GUCY1A1: variants seen among roughly 807,000 people sequenced by gnomAD.
The protein encoded by GUCY1A1 is guanylate cyclase soluble subunit alpha-1.
A neutral mutation model predicts 64.5 loss-of-function variants in GUCY1A1; 48 were observed. The ratio of observed to expected loss-of-function variants is 0.74; its 90% CI spans 0.59 to 0.95. The LOEUF is 0.95. Among genes scored for constraint, GUCY1A1 ranks in the 40% least tolerant of loss-of-function variants. GUCY1A1 has a pLI of 0.00. For missense variants in GUCY1A1, 804 were observed against 825.3 expected (o/e 0.97, Z 0.32); for synonymous variants, 308 against 303.4 (o/e 1.02, Z -0.16).
At chr4:155,703,416 A>T (rs189250999) in intron 3 of GUCY1A1, among the ~76,000 whole-genome samples, 18 of 152,288 alleles carry the variant, frequency 1.2e-4, no homozygotes, top group African/African-American at 4.3e-4. Context: ...AGACAAGAAG[A>T]TGATATGAAT....
At position 155,708,298 on chromosome 4, in the gene GUCY1A1, A is replaced by G. The variant is rs1254175630; in HGVS notation, c.376+4A>G. On this transcript the variant is annotated splice_donor_region_variant and intron_variant, in intron 5 of 9. Coordinates refer to ENST00000506455, the MANE Select transcript of GUCY1A1 (RefSeq NM_001130682.3). Reference sequence around the variant, plus strand: ...GCAGAGCAAGCAGTTGCAGCAGGTAATAGAATTGTTTATGTAATTAGAAAG... The same window carrying G: ...GCAGAGCAAGCAGTTGCAGCAGGTAGTAGAATTGTTTATGTAATTAGAAAG... 2.0e-6 allele frequency: 3 copies of G among 1,495,648 alleles called. No individual in the cohort carries two copies. The highest frequency in any genetic ancestry group is 2.3e-5 in the South Asian group (2 of 88,146). The allele number at this position is 1,495,648 out of a possible 1,614,324, so 92.6% of individuals were successfully genotyped here.
At chr4:155,726,532 G>T (rs994688009) in intron 9 of GUCY1A1, among the ~76,000 whole-genome samples, 3 of 151,810 alleles carry the variant, frequency 2.0e-5, no homozygotes, top group Non-Finnish European at 4.4e-5. Context: ...ATTCTGGAAT[G>T]ATATTTCTTT....
At chr4:155,726,775 C>A (rs183857670) in intron 9 of GUCY1A1, among the ~76,000 whole-genome samples, 5 of 151,774 alleles carry the variant, frequency 3.3e-5, no homozygotes, top group African/African-American at 4.8e-5. Flanking sequence ...GGATAATATT[C>A]GACATTTTGT....
At chr4:155,704,694 G>A (rs1731503866) in intron 4 of GUCY1A1, among the ~76,000 whole-genome samples, 1 of 151,984 alleles carries the variant, frequency 6.6e-6, no homozygotes, top group South Asian at 2.1e-4. Flanking sequence ...TTTCTGAAGA[G>A]GCTTAATATA....
chr4:155,710,972 C>A lies in GUCY1A1; in HGVS notation c.807C>A (p.Ser269Arg). ...GCACCAAGCCATCCCTGTCCCCCAG[C>A]AAACCCCAGTCCTCGCTGGTGATTC... ...MKSTKPSLSP[S>R]KPQSSLVIPT... The change falls in exon 6 of 10, where the codon AGC becomes AGA. Residue 269 changes from serine (S) to arginine (R), a missense_variant. By Grantham distance (110) the Ser-to-Arg change is moderately radical (BLOSUM62 -1). Coordinates refer to ENST00000506455, the MANE Select transcript of GUCY1A1 (RefSeq NM_001130682.3). 6.2e-7 allele frequency: 1 copy of A among 1,613,406 alleles called. No individual in the cohort carries two copies. The highest frequency in any genetic ancestry group is 8.5e-7 in the Non-Finnish European group (1 of 1,179,334).
At chr4:155,728,675 C>T (rs1465433910) in intron 9 of GUCY1A1, among the ~76,000 whole-genome samples, 1 of 151,768 alleles carries the variant, frequency 6.6e-6, no homozygotes, top group Non-Finnish European at 1.5e-5. Flanking sequence ...TGCTATTCTC[C>T]AAGGTGATAT....
chr4:155,713,370 T>C lies in GUCY1A1; in HGVS notation c.1359T>C (p.Leu453=). The C allele has an allele frequency of 6.2e-6, 10 of 1,614,110 alleles. No individual in the cohort carries two copies. The highest frequency in any genetic ancestry group is 8.5e-6 in the Non-Finnish European group (10 of 1,179,992). The change falls in exon 7 of 10, where the codon CTT becomes CTC. Residue 453 remains leucine (L), a synonymous_variant. Coordinates refer to ENST00000506455, the MANE Select transcript of GUCY1A1 (RefSeq NM_001130682.3). ...AGGAGAAGAAAAAGACAGTAGACCTTCTGTGCTCCATATTTCCCTGTGAGG... is the reference window on the plus strand; with the variant it reads ...AGGAGAAGAAAAAGACAGTAGACCTCCTGTGCTCCATATTTCCCTGTGAGG... ...LEEEKKKTVD[L]LCSIFPCEVA...
intron 8 of GUCY1A1, among the ~76,000 whole-genome samples, chr4:155,718,984 T>C (rs965018870): frequency 2.6e-5 from 4 of 152,196 alleles, no homozygotes; most frequent in South Asian, 2.1e-4. Flanking sequence ...CTTTCTAATT[T>C]GTTTGAGGGG....
chr4:155,695,360 C>A lies in GUCY1A1; in HGVS notation c.-112-1396C>A, dbSNP rs560253149. Among the ~76,000 whole-genome samples, 116 of 151,338 alleles carry A rather than the reference C, an allele frequency of 7.7e-4. 1 individual carries two copies. The highest frequency in any genetic ancestry group is 6.6e-3 in the Admixed American group (100 of 15,190). ...GAGCATAGAAAATAAAAAAAAAAAA[C>A]CTAATTGAACTTCAACTCTAAAGAT... On this transcript the variant is annotated intron_variant, in intron 2 of 9. Transcript: ENST00000506455.
chr4:155,691,111 T>A (rs1281976370), intron 2 of GUCY1A1, among the ~76,000 whole-genome samples: 1 of 152,294 alleles, frequency 6.6e-6, no homozygotes, highest in East Asian at 1.9e-4. Context: ...GAGATATCAG[T>A]AACATACTAA....
rs146481471 is a variant in GUCY1A1 at position 155,717,278 on chromosome 4, G to A, written c.1692G>A (p.Met564Ile). The stretch of plus-strand genomic sequence containing the variant: ...TGATGGAGCTCTCTGATGAAGTTAT[G>A]TCTCCCCATGGAGAACCTATCAAGG... ...LKMMELSDEVMSPHGEPIKMR... is the reference protein window; with the variant it reads ...LKMMELSDEVISPHGEPIKMR... Residue 564 changes from methionine to isoleucine, a missense_variant, in exon 8 of 10, where the codon ATG becomes ATA. Coordinates refer to ENST00000506455, the MANE Select transcript of GUCY1A1 (RefSeq NM_001130682.3). 1.9e-6 allele frequency: 3 copies of A among 1,593,776 alleles called. No homozygotes were observed. The highest frequency in any genetic ancestry group is 2.6e-6 in the Non-Finnish European group (3 of 1,168,232).
chr4:155,692,002 G>A (rs558305426), intron 2 of GUCY1A1, among the ~76,000 whole-genome samples: 7 of 152,114 alleles, frequency 4.6e-5, no homozygotes, highest in South Asian at 2.1e-4. Context: ...GTGTCCATGC[G>A]TTCTCATTGT....
intron 2 of GUCY1A1, among the ~76,000 whole-genome samples, chr4:155,685,603 G>GTTTTTTTT (rs70954055): frequency 2.8e-5 from 3 of 108,852 alleles, no homozygotes; most frequent in African/African-American, 6.3e-5. Context: ...TTCTCCTTGT[G>GTTTTTTTT]TTTTTTTTTT....
chr4:155,709,198 C>CCTAA (rs34364290), intron 5 of GUCY1A1, among the ~76,000 whole-genome samples: 146,663 of 152,112 alleles, frequency 0.96, 70,821 homozygotes, highest in East Asian at 1. Context: ...AAACGGTCGT[C>CCTAA]CTGACACCTT....
chr4:155,712,114 A>T (rs1217510984), intron 6 of GUCY1A1, among the ~76,000 whole-genome samples: 1 of 152,052 alleles, frequency 6.6e-6, no homozygotes, highest in Admixed American at 6.6e-5. Context: ...GTGGTATCCC[A>T]TCATATGGTT....
In GUCY1A1 at chr4:155,713,191, A is replaced by G; in HGVS notation, c.1180A>G (p.Thr394Ala). The G allele has an allele frequency of 6.2e-7, 1 of 1,614,078 alleles. No individual in the cohort carries two copies. Among genetic ancestry groups the G allele is most frequent in the Non-Finnish European group, 8.5e-7 (1 of 1,179,942 alleles). The change falls in exon 7 of 10, where the codon ACA becomes GCA. Residue 394 changes from threonine to alanine, a missense_variant. Coordinates refer to ENST00000506455, the MANE Select transcript of GUCY1A1 (RefSeq NM_001130682.3). The part of the protein sequence containing the change: ...SPCVDRLEDF[T>A]GRGLYLSDIP... ...CTGTGTGGACAGATTAGAAGATTTT[A>G]CAGGACGAGGGCTCTACCTCTCAGA...
intron 9 of GUCY1A1, among the ~76,000 whole-genome samples, chr4:155,726,795 T>G (rs1405038813): frequency 1.3e-5 from 2 of 151,958 alleles, no homozygotes; most frequent in Non-Finnish European, 2.9e-5. Flanking sequence ...TTTGCATTCT[T>G]GAAGTAAGGA....
intron 2 of GUCY1A1, among the ~76,000 whole-genome samples, chr4:155,685,815 G>A (rs1284572766): frequency 2.0e-5 from 3 of 152,084 alleles, no homozygotes; most frequent in African/African-American, 7.2e-5. Context: ...AACTGTGAGA[G>A]TCACTAGTGT....
In GUCY1A1 at chr4:155,734,125, G is replaced by A. The variant is rs551674526; in HGVS notation, c.*3894G>A. On this transcript the variant is annotated 3_prime_UTR_variant, in exon 10 of 10. Transcript: ENST00000506455. ...GACTTCCCAGCTCTGTCTCAGGTTAGGTTAAAAGAAGGCATAGGATGGAAG... is the reference window on the plus strand; with the variant it reads ...GACTTCCCAGCTCTGTCTCAGGTTAAGTTAAAAGAAGGCATAGGATGGAAG... Among the ~76,000 whole-genome samples, 4 of 152,026 alleles carry A rather than the reference G, an allele frequency of 2.6e-5. No individual in the cohort carries two copies. Among genetic ancestry groups the A allele is most frequent in the African/African-American group, 9.6e-5 (4 of 41,508 alleles).
Sources: gnomAD v4.1 joint callset for allele counts (sites outside exome capture counted in the v4.1 genomes callset) on GRCh38, gnomAD v4.1.1 for gene constraint, MANE v1.5 for transcripts, NCBI Gene and HGNC (gene_info 2026-07-23, HGNC 2026-07-21) for gene names.